PLCH2: variants seen among roughly 807,000 people sequenced by gnomAD.
The protein encoded by PLCH2 is phospholipase C eta 2.
Under a neutral mutation model 134.7 loss-of-function variants are expected in PLCH2, and 98 were observed. That is an observed-to-expected ratio of 0.73 (90% CI 0.62 to 0.86). The LOEUF (loss-of-function observed/expected upper bound fraction) is 0.86, where lower values mean the gene tolerates loss of function less well. Among genes scored for constraint, PLCH2 ranks in the 40% least tolerant of loss-of-function variants. PLCH2 has a pLI of 0.00. For missense variants in PLCH2, 1,994 were observed against 1,986.6 expected, an observed-to-expected ratio of 1.00 and a Z score of -0.07; for synonymous variants, 974 against 827.5, an observed-to-expected ratio of 1.18 and a Z score of -3.04.
intron 2 of PLCH2, among the ~76,000 whole-genome samples, chr1:2,437,228 T>A (rs1457336867): frequency 6.6e-6 from 1 of 152,170 alleles, no homozygotes; most frequent in African/African-American, 2.4e-5. Flanking sequence ...CCGGGGTCAC[T>A]CTGCCAATTT....
rs191358643 is a variant in PLCH2 at position 2,429,689 on chromosome 1, C to T, written c.-177-649C>T. Among the ~76,000 whole-genome samples, 663 of 152,266 alleles carry T rather than the reference C, an allele frequency of 4.4e-3. 6 individuals are homozygous for T. The highest frequency in any genetic ancestry group is 0.015 in the African/African-American group (628 of 41,548). ...GGGCCTTGATTCACTGCATGGGCTG[C>T]GTGCGTGGTGACCAAAAGGGCTTGA... On this transcript the variant is annotated intron_variant, in intron 1 of 3. Coordinates refer to the PLCH2 transcript ENST00000609981.
chr1:2,485,925 C>G (rs1490061824), intron 5 of PLCH2, among the ~76,000 whole-genome samples: 3 of 152,164 alleles, frequency 2.0e-5, no homozygotes, highest in Non-Finnish European at 4.4e-5. Flanking sequence ...CTGGCCGGGG[C>G]AGCTTGCCAG....
chr1:2,502,183 T>G lies in PLCH2; in HGVS notation c.2733T>G (p.Ala911=). 1 of 1,532,072 alleles carries G rather than the reference T, an allele frequency of 6.5e-7. No homozygotes were observed. Among genetic ancestry groups the G allele is most frequent in the Non-Finnish European group, 8.8e-7 (1 of 1,141,484 alleles). 94.9% of individuals were successfully genotyped at this position (1,532,072 alleles called of 1,614,324 possible). Residue 911 remains alanine (A), a synonymous_variant, in exon 21 of 22, where the codon GCT becomes GCG. Coordinates refer to ENST00000378486, the MANE Select transcript of PLCH2 (RefSeq NM_014638.4). The stretch of plus-strand genomic sequence containing the variant: ...AGCCCGGCTCGCTGGACAGTCATGC[T>G]GCTGGGCGGCCCCCGGCCCGGCCCT... The part of the protein sequence containing the change: ...GPKPGSLDSH[A]AGRPPARPSV...
intron 2 of PLCH2, among the ~76,000 whole-genome samples, chr1:2,449,499 AAACCAACCAACC>A (rs34463698): frequency 5.3e-5 from 8 of 150,368 alleles, no homozygotes; most frequent in South Asian, 2.1e-4. Flanking sequence ...TGTCTCAACA[AAACCAACCAACC>A]AACCAACCAA....
chr1:2,488,414 G>A (rs1426823075), intron 8 of PLCH2, among the ~76,000 whole-genome samples: 2 of 152,208 alleles, frequency 1.3e-5, no homozygotes, highest in South Asian at 2.1e-4. Context: ...AGTGTAATCT[G>A]TGCAGGCACA....
At chr1:2,477,820 C>T (rs930249691) in intron 1 of PLCH2, among the ~76,000 whole-genome samples, 13 of 152,206 alleles carry the variant, frequency 8.5e-5, no homozygotes, top group African/African-American at 2.7e-4. Context: ...TGGCACCATT[C>T]GTGGCGCTTG....
rs1642321506 is a variant in PLCH2, at chr1:2,487,007, G to A, written c.910+7G>A. 5.0e-6 allele frequency: 8 copies of A among 1,586,318 alleles called. No individual in the cohort carries two copies. Among genetic ancestry groups the A allele is most frequent in the African/African-American group, 4.0e-5 (3 of 74,342 alleles). On this transcript the variant is annotated splice_region_variant and intron_variant, in intron 6 of 21. Transcript: ENST00000378486. Reference sequence around the variant, plus strand: ...GGGCTGCTGGGCATTGATGGTGAGTGGGGCGCTGCCCTCAGCCCAGCTGTC... The same window carrying A: ...GGGCTGCTGGGCATTGATGGTGAGTAGGGCGCTGCCCTCAGCCCAGCTGTC...
chr1:2,499,785 C>A (rs948366118), intron 20 of PLCH2, 65 bp downstream of exon 20: 3 of 1,263,958 alleles, frequency 2.4e-6, no homozygotes, highest in African/African-American at 1.5e-5. Flanking sequence ...TGTCCCATGC[C>A]CCCCCATGTG....
chr1:2,422,077 C>T (rs997385617), upstream of PLCH2, among the ~76,000 whole-genome samples: 4 of 152,154 alleles, frequency 2.6e-5, no homozygotes, highest in East Asian at 7.7e-4. Context: ...TTGAGACCAT[C>T]CTGGCCAACA....
At chr1:2,462,802 C>A (rs560049234), upstream of PLCH2, among the ~76,000 whole-genome samples, 9 of 152,266 alleles carry the variant, frequency 5.9e-5, no homozygotes. Context: ...GCTCCCACCC[C>A]CTAGCCACTG....
In PLCH2 at chr1:2,476,559, C is replaced by T. The variant is rs1186912744; in HGVS notation, c.-30C>T. ...GAAGGCCGGTGGGCCTCTGTGGCCT[C>T]CGTGAAGCAGGCCCGGCTGTCGTCA... On this transcript the variant is annotated 5_prime_UTR_variant, in exon 1 of 22. Transcript: ENST00000378486. 6 of 1,473,344 alleles carry T rather than the reference C, an allele frequency of 4.1e-6. No homozygotes were observed. Among genetic ancestry groups the T allele is most frequent in the South Asian group, 1.4e-5 (1 of 73,176 alleles). The allele number at this position is 1,473,344 out of a possible 1,614,324, so 91.3% of individuals were successfully genotyped here. A position where few individuals can be genotyped will look rare whatever the true frequency, so the allele number is the denominator to read the frequency against.
rs554863071 is a variant in PLCH2, at chr1:2,448,336, G to A, written c.115+17707G>A. Among the ~76,000 whole-genome samples, 1 of 152,232 alleles carries A rather than the reference G, an allele frequency of 6.6e-6. No homozygotes were observed. Among genetic ancestry groups the A allele is most frequent in the South Asian group, 2.1e-4 (1 of 4,820 alleles). On this transcript the variant is annotated intron_variant, in intron 2 of 3. Coordinates refer to the PLCH2 transcript ENST00000609981. This position sits in a 1 kb window ranked among gnomAD's most constrained non-coding sequence, Gnocchi z 4.0. Reference sequence around the variant, plus strand: ...CGCTCCCTCTGCAGGCTCCCCGGGAGGAACTTCCTGGCCTCCTCCAGCTTC... The same window carrying A: ...CGCTCCCTCTGCAGGCTCCCCGGGAAGAACTTCCTGGCCTCCTCCAGCTTC...
At chr1:2,424,110 A>G (rs1182721190), upstream of PLCH2, among the ~76,000 whole-genome samples, 1 of 152,188 alleles carries the variant, frequency 6.6e-6, no homozygotes, top group Non-Finnish European at 1.5e-5. Context: ...GTATATATTT[A>G]TGAGGTAGAT....
intron 20 of PLCH2, chr1:2,501,572 A>G (rs1643227661): frequency 1.3e-5 from 2 of 153,196 alleles, no homozygotes; most frequent in Admixed American, 1.3e-4. Context: ...CTAGGGCACG[A>G]GTATCACCAT....
At chr1:2,491,512 C>T (rs1642580975) in intron 11 of PLCH2, among the ~76,000 whole-genome samples, 177 bp downstream of exon 11, 1 of 152,266 alleles carries the variant, frequency 6.6e-6, no homozygotes, top group African/African-American at 2.4e-5. Flanking sequence ...GATCCATACC[C>T]ACCTACCAGC....
chr1:2,450,676 A>G (rs528900711), intron 2 of PLCH2, among the ~76,000 whole-genome samples: 1 of 7,524 alleles, frequency 1.3e-4, no homozygotes, highest in African/African-American at 9.2e-4. Flanking sequence ...CTCCCCGCCT[A>G]CCCCCCTCTC....
At chr1:2,494,537 A>G in intron 11 of PLCH2, 3 of 454,840 alleles carry the variant, frequency 6.6e-6, no homozygotes, top group South Asian at 2.3e-5. Context: ...GTGGGAAAAA[A>G]GGATTCAGAA....
chr1:2,453,229 C>G (rs1354128808), intron 2 of PLCH2, among the ~76,000 whole-genome samples: 1 of 152,196 alleles, frequency 6.6e-6, no homozygotes, highest in Admixed American at 6.5e-5. Flanking sequence ...CCAGTGCCCC[C>G]ACTGTGCTCG....
intron 2 of PLCH2, among the ~76,000 whole-genome samples, chr1:2,445,647 G>T (rs1409625396): frequency 6.6e-6 from 1 of 151,938 alleles, no homozygotes; most frequent in Non-Finnish European, 1.5e-5. Flanking sequence ...CCAGAGGGGG[G>T]AGGCAGAGGA....
Sources: gnomAD v4.1 joint callset for allele counts (sites outside exome capture counted in the v4.1 genomes callset) on GRCh38, gnomAD v4.1.1 for gene constraint, Gnocchi (gnomAD v3.1) non-coding constraint, MANE v1.5 for transcripts, NCBI Gene and HGNC (gene_info 2026-07-23, HGNC 2026-07-21) for gene names.